The following SYNPO2 variants were observed in gnomAD, a reference collection of about 807,000 sequenced individuals.
SYNPO2 encodes the protein synaptopodin-2.
Under a neutral mutation model 85.0 loss-of-function variants are expected in SYNPO2, and 56 were observed. The observed-to-expected ratio is 0.66, with a 90% CI of 0.53 to 0.82. The LOEUF (loss-of-function observed/expected upper bound fraction) is 0.82. Among genes scored for constraint, SYNPO2 ranks in the 40% least tolerant of loss-of-function variants. SYNPO2 has a pLI of 0.00. For synonymous variants in SYNPO2, 602 were observed against 591.1 expected (o/e 1.02, Z -0.27); for missense variants, 1,575 against 1,534.2 (o/e 1.03, Z -0.44).
chr4:119,039,178 A>T (rs35715040), intron 4 of SYNPO2, among the ~76,000 whole-genome samples: 112,154 of 152,062 alleles, frequency 0.74, 41,785 homozygotes, highest in East Asian at 0.79. Flanking sequence ...TGATGAAAGT[A>T]TGATGTAGGT....
intron 4 of SYNPO2, chr4:119,033,561 T>G (rs1347648812): frequency 1.0e-6 from 1 of 985,352 alleles, no homozygotes; most frequent in Non-Finnish European, 1.2e-6. Flanking sequence ...AAAAATCATC[T>G]ACTCTATGCA....
upstream of SYNPO2, among the ~76,000 whole-genome samples, chr4:118,887,974 A>G (rs1380329793): frequency 1.3e-5 from 2 of 152,226 alleles, no homozygotes; most frequent in Admixed American, 1.3e-4. Context: ...CTTTTTGTAC[A>G]TTTTTGGCAG....
intron 1 of SYNPO2, among the ~76,000 whole-genome samples, chr4:118,990,841 C>T (rs1176693607): frequency 6.6e-6 from 1 of 152,076 alleles, no homozygotes; most frequent in South Asian, 2.1e-4. Flanking sequence ...TTTTCCTGAC[C>T]TCAAGTTATC....
chr4:118,868,377 T>G (rs1224207240), intron 1 of SYNPO2, among the ~76,000 whole-genome samples: 1 of 152,186 alleles, frequency 6.6e-6, no homozygotes, highest in African/African-American at 2.4e-5. Context: ...ATTGTCAATT[T>G]GTGCAAATTT....
At chr4:118,988,569 G>T (rs1736303405) in intron 1 of SYNPO2, among the ~76,000 whole-genome samples, 4 of 152,154 alleles carry the variant, frequency 2.6e-5, no homozygotes, top group Admixed American at 2.6e-4. Flanking sequence ...CTTTAGAAAA[G>T]CTCCAAGGAG....
rs552074484 is a variant in SYNPO2 at position 118,973,008 on chromosome 4, A to C, written c.106-50422A>C. Among the ~76,000 whole-genome samples the C allele has an allele frequency of 1.3e-5, 2 of 152,192 alleles. 1 individual carries two copies. Among genetic ancestry groups the C allele is most frequent in the African/African-American group, 4.8e-5 (2 of 41,450 alleles). On this transcript the variant is annotated intron_variant, in intron 1 of 4. Transcript: ENST00000307142. ...TTATAACTCAACTTATGATGTTTCA[A>C]CTTTACAATGGGCTTATACATGCAT...
At position 119,012,215 on chromosome 4, in the gene SYNPO2, G is replaced by T. The variant is rs528071274; in HGVS notation, c.106-11215G>T. On this transcript the variant is annotated intron_variant, in intron 1 of 4. Transcript: ENST00000307142. ...TGGGATTATAGGCATGAACCACTGT[G>T]CCCAGCCACCTCTCTATAGACTGAA... Among the ~76,000 whole-genome samples, 3 of 152,114 alleles carry T rather than the reference G, an allele frequency of 2.0e-5. No homozygotes were observed. The South Asian group carries it at 6.2e-4, about 32-fold the overall frequency.
chr4:119,030,552 C>G lies in SYNPO2; in HGVS notation c.1777C>G (p.Pro593Ala). Residue 593 changes from proline (P) to alanine (A), a missense_variant, in exon 4 of 5, where the codon CCA becomes GCA. Coordinates refer to ENST00000307142, the MANE Select transcript of SYNPO2 (RefSeq NM_133477.3). ...CATGAATAGAACGGCCAAACCCTTC[C>G]CAGGGTCTGTGAATCAGCCAGCTAC... ...VPMNRTAKPF[P>A]GSVNQPATPF... The G allele has an allele frequency of 1.2e-6, 2 of 1,614,140 alleles. No homozygotes were observed. The highest frequency in any genetic ancestry group is 1.7e-6 in the Non-Finnish European group (2 of 1,180,032).
At chr4:118,904,873 T>C (rs972462906) in intron 1 of SYNPO2, among the ~76,000 whole-genome samples, 2 of 152,222 alleles carry the variant, frequency 1.3e-5, no homozygotes, top group African/African-American at 4.8e-5. Flanking sequence ...CAGTTTCCAT[T>C]GGATGGTGCT....
chr4:118,968,043 G>A lies in SYNPO2; in HGVS notation c.106-55387G>A, dbSNP rs146024395. ...CATAGCTTAGTGCTCTTGGTTATTG[G>A]TTTCCAAAGACTTGCTGAGCATTTC... On this transcript the variant is annotated intron_variant, in intron 1 of 4. Coordinates refer to ENST00000307142, the MANE Select transcript of SYNPO2 (RefSeq NM_133477.3). 1.3e-3 allele frequency among the ~76,000 whole-genome samples: 198 copies of A among 152,282 alleles called. 1 individual carries two copies. Among genetic ancestry groups the A allele is most frequent in the African/African-American group, 4.2e-3 (174 of 41,546 alleles).
At chr4:118,905,426 C>T (rs946837442) in intron 1 of SYNPO2, among the ~76,000 whole-genome samples, 2 of 142,842 alleles carry the variant, frequency 1.4e-5, no homozygotes, top group Admixed American at 1.5e-4. Context: ...AGAAGTGGTA[C>T]CTGATGTGTG....
chr4:118,888,472 G>A (rs141951550), upstream of SYNPO2, among the ~76,000 whole-genome samples: 169 of 152,210 alleles, frequency 1.1e-3, no homozygotes, highest in Admixed American at 8.7e-3. Context: ...ATTCATAAAT[G>A]TGGCAAGTCT....
chr4:118,890,233 CA>C (rs1732318621), intron 1 of SYNPO2, among the ~76,000 whole-genome samples: 1 of 151,232 alleles, frequency 6.6e-6, no homozygotes, highest in Non-Finnish European at 1.5e-5. Flanking sequence ...TGCTTCCAGG[CA>C]TCATATGTAA....
At chr4:118,954,430 T>A (rs1354796957) in intron 1 of SYNPO2, among the ~76,000 whole-genome samples, 1 of 152,174 alleles carries the variant, frequency 6.6e-6, no homozygotes. Context: ...TCATATGGGC[T>A]CAGCATTGCC....
chr4:119,030,150 G>A lies in SYNPO2; in HGVS notation c.1375G>A (p.Val459Ile). Residue 459 changes from valine (V) to isoleucine (I), a missense_variant, in exon 4 of 5, where the codon GTT becomes ATT. By Grantham distance (29) the Val-to-Ile change is conservative. Coordinates refer to ENST00000307142, the MANE Select transcript of SYNPO2 (RefSeq NM_133477.3). ...LLSDVDDNTQ[V>I]VNFDWDSGLV... ...GTCTGACGTTGACGACAACACACAA[G>A]TTGTGAACTTTGACTGGGATTCTGG... 6.2e-7 allele frequency: 1 copy of A among 1,614,162 alleles called. No individual in the cohort carries two copies. Among genetic ancestry groups the A allele is most frequent in the Non-Finnish European group, 8.5e-7 (1 of 1,180,020 alleles).
chr4:119,037,550 A>C, intron 4 of SYNPO2: 1 of 991,548 alleles, frequency 1.0e-6, no homozygotes, highest in Non-Finnish European at 1.2e-6. Context: ...GCAACAACCC[A>C]AAATCAAGCA....
chr4:118,882,099 C>T (rs959226121), intron 1 of SYNPO2, among the ~76,000 whole-genome samples: 1 of 152,174 alleles, frequency 6.6e-6, no homozygotes, highest in Non-Finnish European at 1.5e-5. Flanking sequence ...ACTTTGCTGT[C>T]TTTGTCTGGG....
At chr4:118,924,240 A>G (rs1033741455) in intron 1 of SYNPO2, among the ~76,000 whole-genome samples, 2 of 152,198 alleles carry the variant, frequency 1.3e-5, no homozygotes, top group African/African-American at 2.4e-5. Flanking sequence ...AGGACTGTAC[A>G]TGTCTGCAGA....
intron 4 of SYNPO2, chr4:119,043,326 C>G (rs931563999): frequency 1.3e-5 from 2 of 152,074 alleles, no homozygotes; most frequent in African/African-American, 4.8e-5. Flanking sequence ...TTATCTTAGG[C>G]TAAGATTACA....
Sources: allele counts gnomAD v4.1 joint callset (sites outside exome capture counted in the v4.1 genomes callset), GRCh38; gene constraint gnomAD v4.1.1; transcripts MANE v1.5; gene names NCBI Gene and HGNC (gene_info 2026-07-23, HGNC 2026-07-21).